KCNIP1: variants seen among roughly 807,000 people sequenced by gnomAD.
KCNIP1 encodes the protein potassium voltage-gated channel interacting protein 1.
A neutral mutation model predicts 33.0 loss-of-function variants in KCNIP1; 18 were observed. The ratio of observed to expected loss-of-function variants is 0.55; its 90% CI spans 0.38 to 0.81. The LOEUF is 0.81. KCNIP1 is among the 30% of genes least tolerant of loss of function. The pLI is 0.00. For missense variants in KCNIP1, 238 were observed against 271.6 expected (o/e 0.88, Z 0.87); for synonymous variants, 93 against 98.3 (o/e 0.95, Z 0.32).
At chr5:170,634,812 A>C (rs1760222544) in intron 1 of KCNIP1, among the ~76,000 whole-genome samples, 1 of 152,224 alleles carries the variant, frequency 6.6e-6, no homozygotes, top group Non-Finnish European at 1.5e-5. Flanking sequence ...GTTTATATGT[A>C]AGAGGAGATT....
At chr5:170,652,744 T>G (rs188111504) in intron 1 of KCNIP1, among the ~76,000 whole-genome samples, 3 of 152,328 alleles carry the variant, frequency 2.0e-5, no homozygotes, top group Admixed American at 1.3e-4. Context: ...TAACATTTAC[T>G]TACATGCCTA....
chr5:170,644,098 A>G (rs883849), intron 1 of KCNIP1, among the ~76,000 whole-genome samples: 99,846 of 152,118 alleles, frequency 0.66, 34,126 homozygotes, highest in African/African-American at 0.85. Context: ...CTGCCAGCAG[A>G]GGAAGCCCAT....
At chr5:170,669,240 G>A (rs923719396) in intron 1 of KCNIP1, among the ~76,000 whole-genome samples, 1 of 152,230 alleles carries the variant, frequency 6.6e-6, no homozygotes, top group African/African-American at 2.4e-5. Flanking sequence ...GCAGTGTAAA[G>A]CAGGAAGACA....
At chr5:170,392,219 T>G (rs991428601) in intron 1 of KCNIP1, among the ~76,000 whole-genome samples, 2 of 152,136 alleles carry the variant, frequency 1.3e-5, no homozygotes, top group African/African-American at 4.8e-5. Context: ...AGAACAAGCC[T>G]GCAGACAGTT....
intron 1 of KCNIP1, among the ~76,000 whole-genome samples, chr5:170,522,652 G>A (rs1755406237): frequency 6.6e-6 from 1 of 152,184 alleles, no homozygotes; most frequent in Non-Finnish European, 1.5e-5. Context: ...GACACAGCCA[G>A]CAGCCTCCCC....
Position 170,598,889 on chromosome 5 carries a change from C to CTGTGTGTGTGCGCGTGTGTGTGTGTG in KCNIP1, c.61+94266_61+94267insCGCGTGTGTGTGTGTGTGTGTGTGTG, listed in dbSNP as rs1193319687. 6.3e-5 allele frequency among the ~76,000 whole-genome samples: 9 copies of CTGTGTGTGTGCGCGTGTGTGTGTGTG among 141,836 alleles called. No individual in the cohort carries two copies. The South Asian group carries it at 7.1e-4, about 11-fold the overall frequency. The allele number at this position is 141,836 out of a possible 152,430, so 93.0% of individuals were successfully genotyped here. A position where few individuals can be genotyped will look rare whatever the true frequency, so the allele number is the denominator to read the frequency against. On this transcript the variant is annotated intron_variant, in intron 1 of 7. Transcript: ENST00000328939. ...TGATGTGCTCGTTCCCATAGCCCCG[C>CTGTGTGTGTGCGCGTGTGTGTGTGTG]TGTGTGTGTGTGCGCGTGTGTGTGT...
At chr5:170,530,441 T>C (rs1755746979) in intron 1 of KCNIP1, among the ~76,000 whole-genome samples, 1 of 152,204 alleles carries the variant, frequency 6.6e-6, no homozygotes, top group Non-Finnish European at 1.5e-5. Flanking sequence ...GTGAAATGGC[T>C]TTCCCAAAGT....
chr5:170,632,670 C>T (rs939588316), intron 1 of KCNIP1, among the ~76,000 whole-genome samples: 2 of 152,214 alleles, frequency 1.3e-5, no homozygotes, highest in Non-Finnish European at 2.9e-5. Context: ...AATGTGATGC[C>T]CAAAGATGGG....
At chr5:170,674,050 C>A (rs1176098776) in intron 1 of KCNIP1, among the ~76,000 whole-genome samples, 1 of 151,680 alleles carries the variant, frequency 6.6e-6, no homozygotes, top group East Asian at 1.9e-4. Context: ...ACAGATATTT[C>A]ATTGTGATGG....
Position 170,504,832 on chromosome 5 carries a change from G to A in KCNIP1, c.61+199G>A, listed in dbSNP as rs1038875349. ...GAGGAGGGAGCCGGAGTGGACGTCT[G>A]CCCCAGCGGCAACTGGACCCCTCTG... On this transcript the variant is annotated intron_variant, in intron 1 of 7. Transcript: ENST00000328939. This position sits in a 1 kb window ranked among gnomAD's most constrained non-coding sequence, Gnocchi z 6.0. Among the ~76,000 whole-genome samples, 1 of 152,154 alleles carries A rather than the reference G, an allele frequency of 6.6e-6. No homozygotes were observed. The highest frequency in any genetic ancestry group is 6.5e-5 in the Admixed American group (1 of 15,282).
chr5:170,485,063 C>T (rs1357123017), intron 1 of KCNIP1, among the ~76,000 whole-genome samples: 1 of 151,368 alleles, frequency 6.6e-6, no homozygotes, highest in Non-Finnish European at 1.5e-5. Flanking sequence ...GCCTCAGCCT[C>T]CTGAGTAGCT....
In KCNIP1 at chr5:170,413,215, C is replaced by T. The variant is rs560484277; in HGVS notation, c.88+59251C>T. Among the ~76,000 whole-genome samples the T allele has an allele frequency of 5.9e-5, 9 of 152,162 alleles. No individual in the cohort carries two copies. In the East Asian group the frequency reaches 7.7e-4, roughly 13 times the overall value. On this transcript the variant is annotated intron_variant, in intron 1 of 7. Coordinates refer to the KCNIP1 transcript ENST00000377360. ...TTGGTTCCTGTGCCGACCTGCATTGCGGAGGACTGCGGGGTCTTGGTAGAT... is the reference window on the plus strand; with the variant it reads ...TTGGTTCCTGTGCCGACCTGCATTGTGGAGGACTGCGGGGTCTTGGTAGAT...
chr5:170,520,008 A>G (rs1755300041), intron 1 of KCNIP1, among the ~76,000 whole-genome samples: 1 of 152,178 alleles, frequency 6.6e-6, no homozygotes, highest in Non-Finnish European at 1.5e-5. Context: ...AAAGCACTCT[A>G]TGCAATCTGA....
intron 1 of KCNIP1, among the ~76,000 whole-genome samples, chr5:170,626,810 A>G (rs1581415199): frequency 2.0e-5 from 3 of 152,328 alleles, no homozygotes; most frequent in Admixed American, 2.0e-4. Flanking sequence ...GGGCTACTTC[A>G]GCATTTAAAA....
intron 1 of KCNIP1, among the ~76,000 whole-genome samples, chr5:170,642,357 C>T (rs138891030): frequency 2.0e-5 from 3 of 152,250 alleles, no homozygotes; most frequent in Admixed American, 6.5e-5. Context: ...TAGTGAGCAC[C>T]GACTGTGCAC....
intron 1 of KCNIP1, among the ~76,000 whole-genome samples, chr5:170,488,930 G>A (rs1757150360): frequency 6.6e-6 from 1 of 152,214 alleles, no homozygotes; most frequent in African/African-American, 2.4e-5. Context: ...GTGCAGAGAA[G>A]CTGAGCCGGG....
At chr5:170,476,651 G>T (rs1026247539) in intron 1 of KCNIP1, among the ~76,000 whole-genome samples, 3 of 152,156 alleles carry the variant, frequency 2.0e-5, no homozygotes, top group Admixed American at 1.3e-4. Flanking sequence ...CGCTGAAATG[G>T]CTGCGGGCCT....
At chr5:170,571,233 C>G (rs1034203603) in intron 1 of KCNIP1, among the ~76,000 whole-genome samples, 15 of 152,218 alleles carry the variant, frequency 9.9e-5, no homozygotes, top group Middle Eastern at 3.4e-3. Flanking sequence ...CCTCTGGCTA[C>G]TGGGATTCAT....
chr5:170,714,720 T>A (rs1205240076), intron 1 of KCNIP1, among the ~76,000 whole-genome samples: 3 of 152,094 alleles, frequency 2.0e-5, no homozygotes, highest in East Asian at 3.8e-4. Flanking sequence ...AAAAAATTTT[T>A]AAATAGAGAA....
Sources: allele counts gnomAD v4.1 joint callset (sites outside exome capture counted in the v4.1 genomes callset), GRCh38; gene constraint gnomAD v4.1.1; non-coding constraint Gnocchi (gnomAD v3.1); transcripts MANE v1.5; gene names NCBI Gene and HGNC (gene_info 2026-07-23, HGNC 2026-07-21).